The following CAPN7 variants were observed in gnomAD, a reference collection of about 807,000 sequenced individuals.
CAPN7 encodes calpain 7.
In CAPN7, 72 loss-of-function variants were observed where a neutral mutation model predicts 115.2. The observed-to-expected ratio is 0.63, with a 90% CI of 0.52 to 0.76. CAPN7 has a LOEUF of 0.76. CAPN7 is among the 30% of genes least tolerant of loss of function. CAPN7 has a pLI of 0.00. For missense variants in CAPN7, 905 were observed against 971.5 expected, an observed-to-expected ratio of 0.93 and a Z score of 0.91; for synonymous variants, 344 against 322.3, an observed-to-expected ratio of 1.07 and a Z score of -0.72.
At chr3:15,220,248 G>T (rs796916394) in intron 4 of CAPN7, among the ~76,000 whole-genome samples, 11 of 152,156 alleles carry the variant, frequency 7.2e-5, no homozygotes, top group African/African-American at 2.4e-4. Flanking sequence ...AATTCATTGT[G>T]CTGTTTCATA....
intron 5 of CAPN7, among the ~76,000 whole-genome samples, chr3:15,221,811 A>G (rs534727714): frequency 7.2e-5 from 11 of 151,980 alleles, no homozygotes; most frequent in Admixed American, 2.6e-4. Context: ...CTCTACTACA[A>G]ATACAAAAAA....
intron 17 of CAPN7, chr3:15,246,495 A>G: frequency 2.3e-6 from 1 of 435,274 alleles, no homozygotes; most frequent in Non-Finnish European, 4.1e-6. Context: ...TCAGATGCAG[A>G]AGCCACAGCC....
Position 15,230,471 on chromosome 3 carries a change from A to T in CAPN7, c.968A>T (p.Glu323Val), listed in dbSNP as rs765908041. The T allele has an allele frequency of 2.5e-6, 4 of 1,612,906 alleles. No homozygotes were observed. The Admixed American group carries it at 6.7e-5, about 27-fold the overall frequency. Residue 323 changes from glutamate to valine, a missense_variant, in exon 9 of 21, where the codon GAA becomes GTA. Around this residue, in one of 3 missense-constraint regions of CAPN7, gnomAD observed 620 missense variants for 703.4 expected, o/e 0.88. Coordinates refer to ENST00000253693, the MANE Select transcript of CAPN7 (RefSeq NM_014296.3). Reference protein sequence around the residue: ...GIIYPQNKDGEPEYNPCGKYM... With the variant: ...GIIYPQNKDGVPEYNPCGKYM... ...ATTTACCCTCAAAACAAGGATGGTG[A>T]ACCAGAATACAATCCATGTGGGAAG... is the stretch of plus-strand genomic sequence containing the variant.
intron 18 of CAPN7, 183 bp from the exon 19 acceptor site, chr3:15,247,144 G>T: frequency 1.7e-6 from 1 of 576,346 alleles, no homozygotes; most frequent in Non-Finnish European, 3.0e-6. Context: ...GCTAAGAGAT[G>T]GAAATAGGGG....
At chr3:15,227,247 G>C (rs139657506) in intron 6 of CAPN7, among the ~76,000 whole-genome samples, 101 of 152,302 alleles carry the variant, frequency 6.6e-4, no homozygotes, top group African/African-American at 2.3e-3. Flanking sequence ...TGGCACCAGA[G>C]ACCTGGATTC....
Position 15,223,474 on chromosome 3 carries a change from G to T in CAPN7, c.639-1G>T. On this transcript the variant is annotated splice_acceptor_variant, in intron 5 of 20. Coordinates refer to ENST00000253693, the MANE Select transcript of CAPN7 (RefSeq NM_014296.3). LOFTEE classifies it high-confidence loss of function. ...TTAGGTTTTTTTCTCGTGTTTGATA[G>T]GACAACATCAAAAATAAATGGTATA... is the stretch of plus-strand genomic sequence containing the variant. The T allele has an allele frequency of 6.3e-7, 1 of 1,591,872 alleles. No individual in the cohort carries two copies. The highest frequency in any genetic ancestry group is 8.6e-7 in the Non-Finnish European group (1 of 1,161,478).
intron 7 of CAPN7, among the ~76,000 whole-genome samples, chr3:15,228,409 A>G (rs1297004970): frequency 6.6e-6 from 1 of 152,230 alleles, no homozygotes; most frequent in African/African-American, 2.4e-5. Flanking sequence ...TAACCAGGAA[A>G]ATATTTAGTA....
At chr3:15,207,497 A>G (rs2044696069) in intron 1 of CAPN7, among the ~76,000 whole-genome samples, 1 of 151,884 alleles carries the variant, frequency 6.6e-6, no homozygotes, top group East Asian at 1.9e-4. Flanking sequence ...TAATAAACTA[A>G]CCTTAGCTTA....
chr3:15,240,488 C>T lies in CAPN7; in HGVS notation c.1423C>T (p.Gln475Ter), dbSNP rs1695276287. The change falls in exon 13 of 21, where the codon CAG becomes TAG. Residue 475 changes from glutamine to a stop codon, truncating the protein, a stop_gained. Transcript: ENST00000253693. LOFTEE classifies it high-confidence loss of function. ...TTTTATATAGGGGCTGCGATTTATC[C>T]AGTTGAAAAATCCTTGGAGTCATTT... is the stretch of plus-strand genomic sequence containing the variant. ...IREFKGLRFI[Q>*]LKNPWSHLRW... 1 of 1,609,792 alleles carries T rather than the reference C, an allele frequency of 6.2e-7. No individual in the cohort carries two copies. Among genetic ancestry groups the T allele is most frequent in the Admixed American group, 1.7e-5 (1 of 59,072 alleles).
intron 2 of CAPN7, among the ~76,000 whole-genome samples, chr3:15,215,199 AG>A (rs2045178287): frequency 6.6e-6 from 1 of 152,116 alleles, no homozygotes; most frequent in East Asian, 1.9e-4. Flanking sequence ...CTAAGGCAGA[AG>A]GGTCACTTGA....
chr3:15,228,544 G>A (rs1694469523), intron 7 of CAPN7, among the ~76,000 whole-genome samples: 1 of 152,144 alleles, frequency 6.6e-6, no homozygotes, highest in Non-Finnish European at 1.5e-5. Flanking sequence ...ATAAGAGAAC[G>A]AGATGTCTTT....
intron 7 of CAPN7, among the ~76,000 whole-genome samples, chr3:15,228,707 C>T (rs7637097): frequency 0.049 from 7,417 of 152,070 alleles, 622 homozygotes; most frequent in African/African-American, 0.17. Flanking sequence ...TCTACTTGAG[C>T]GTGGAGGATA....
Position 15,247,307 on chromosome 3 carries a change from A to G in CAPN7, c.2074-20A>G. 6.6e-7 allele frequency: 1 copy of G among 1,506,294 alleles called. No homozygotes were observed. Among genetic ancestry groups the G allele is most frequent in the African/African-American group, 1.5e-5 (1 of 68,570 alleles). 93.3% of individuals were successfully genotyped at this position (1,506,294 alleles called of 1,614,324 possible). On this transcript the variant is annotated intron_variant, in intron 18 of 20. Transcript: ENST00000253693. The stretch of plus-strand genomic sequence containing the variant: ...TTGGAAATGAAATTTTGTTAATACT[A>G]AAACTTTTGTTTTTATTAGATTAAT...
rs183102438 is a variant in CAPN7, at chr3:15,228,437, C to G, written c.852+472C>G. ...ATTTAGTATACATTGTAGCACTATT[C>G]AAAATAACAAAGACATGGAATCAAC... is the stretch of plus-strand genomic sequence containing the variant. On this transcript the variant is annotated intron_variant, in intron 7 of 20. Transcript: ENST00000253693. Among the ~76,000 whole-genome samples the G allele has an allele frequency of 1.8e-3, 273 of 152,178 alleles. 2 individuals carry two copies. The highest frequency in any genetic ancestry group is 6.1e-3 in the African/African-American group (254 of 41,516).
At chr3:15,222,250 A>G (rs541670879) in intron 5 of CAPN7, among the ~76,000 whole-genome samples, 18 of 152,148 alleles carry the variant, frequency 1.2e-4, no homozygotes, top group Non-Finnish European at 2.2e-4. Context: ...CACACTGCCT[A>G]TGGAGTAGCC....
Position 15,223,645 on chromosome 3 carries a change from A to G in CAPN7, c.725+84A>G, listed in dbSNP as rs887118439. The G allele has an allele frequency of 6.0e-6, 5 of 840,004 alleles. No homozygotes were observed. In the Admixed American group the frequency reaches 7.3e-5, roughly 12 times the overall value. The allele number at this position is 840,004 out of a possible 1,614,324, so 52.0% of individuals were successfully genotyped here. ...GTTCAATTTAATAGCCTTGAAATTAAAATTTGTAATAAAAAAATTTGTTGG... is the reference window on the plus strand; with the variant it reads ...GTTCAATTTAATAGCCTTGAAATTAGAATTTGTAATAAAAAAATTTGTTGG... On this transcript the variant is annotated intron_variant, in intron 6 of 20. Coordinates refer to ENST00000253693, the MANE Select transcript of CAPN7 (RefSeq NM_014296.3).
chr3:15,218,379 A>AAT (rs1267583628), intron 3 of CAPN7, 94 bp from the exon 4 acceptor site: 1 of 774,586 alleles, frequency 1.3e-6, no homozygotes, highest in Non-Finnish European at 2.2e-6. Context: ...CAGCAAGTGT[A>AAT]ATATGCATTG....
intron 13 of CAPN7, 45 bp downstream of exon 13, chr3:15,240,662 A>C (rs1695288065): frequency 6.4e-7 from 1 of 1,561,464 alleles, no homozygotes; most frequent in African/African-American, 1.4e-5. Flanking sequence ...TCTTCAAAAA[A>C]AAACATGTTT....
chr3:15,210,714 G>T, intron 1 of CAPN7: 1 of 1,112,340 alleles, frequency 9.0e-7, no homozygotes, highest in East Asian at 5.9e-5. Context: ...TCCCGCCTCA[G>T]CCTCCTGAGT....
Sources: gnomAD v4.1 joint callset for allele counts (sites outside exome capture counted in the v4.1 genomes callset) on GRCh38, gnomAD v4.1.1 for gene constraint, gnomAD v4.1.1 regional missense constraint, MANE v1.5 for transcripts, NCBI Gene and HGNC (gene_info 2026-07-23, HGNC 2026-07-21) for gene names.